The following RGS9 variants were observed in gnomAD, a reference collection of about 807,000 sequenced individuals.
The protein encoded by RGS9 is regulator of G-protein signalling 9.
Under a neutral mutation model 102.0 loss-of-function variants are expected in RGS9, and 78 were observed. The observed-to-expected ratio is 0.76, with a 90% CI of 0.64 to 0.92. RGS9 has a LOEUF of 0.92. Among genes scored for constraint, RGS9 ranks in the 40% least tolerant of loss-of-function variants. The pLI is 0.00. For missense variants in RGS9, 833 were observed against 866.1 expected (o/e 0.96, Z 0.48); for synonymous variants, 353 against 318.6 (o/e 1.11, Z -1.15).
At chr17:65,219,152 G>T (rs1377332007) in intron 17 of RGS9, among the ~76,000 whole-genome samples, 2 of 152,172 alleles carry the variant, frequency 1.3e-5, no homozygotes, top group Admixed American at 6.5e-5. Context: ...AGGGACTCAG[G>T]GCTGTGTGCA....
chr17:65,190,442 C>A (rs115515671), intron 11 of RGS9, among the ~76,000 whole-genome samples: 1,634 of 152,172 alleles, frequency 0.011, 34 homozygotes, highest in African/African-American at 0.037. Context: ...CAAAATCGAG[C>A]GTAGGTGAGG....
rs1407374319 is a variant in RGS9, at chr17:65,210,788, C to G, written c.1407+183C>G. The G allele has an allele frequency of 8.0e-6, 8 of 997,944 alleles. No individual in the cohort carries two copies. In the East Asian group the frequency reaches 2.1e-4, roughly 27 times the overall value. The allele number at this position is 997,944 out of a possible 1,614,324, so 61.8% of individuals were successfully genotyped here. On this transcript the variant is annotated intron_variant, in intron 17 of 18. Transcript: ENST00000262406. ...TCAGGTTCATCCCATACTCCTCTAACTTTCTTCATGGGGGACTTCCTAATA... is the reference window on the plus strand; with the variant it reads ...TCAGGTTCATCCCATACTCCTCTAAGTTTCTTCATGGGGGACTTCCTAATA...
chr17:65,151,051 A>G (rs1268077647), intron 1 of RGS9, among the ~76,000 whole-genome samples: 2 of 152,218 alleles, frequency 1.3e-5, no homozygotes, highest in African/African-American at 4.8e-5. Context: ...TTGTTTAAAA[A>G]AAAATCCTTC....
chr17:65,140,088 G>C (rs951704153), intron 1 of RGS9, among the ~76,000 whole-genome samples: 2 of 152,060 alleles, frequency 1.3e-5, no homozygotes, highest in African/African-American at 4.8e-5. Context: ...GGAGGTTATG[G>C]CCACCATTTT....
chr17:65,223,242 G>T (rs1905439478), intron 17 of RGS9, among the ~76,000 whole-genome samples: 1 of 152,362 alleles, frequency 6.6e-6, no homozygotes, highest in Non-Finnish European at 1.5e-5. Context: ...GTGAATTAAT[G>T]ATGTGATTGT....
chr17:65,150,750 T>C (rs16960623), intron 1 of RGS9, among the ~76,000 whole-genome samples: 10,008 of 152,298 alleles, frequency 0.066, 1,061 homozygotes, highest in African/African-American at 0.22. Flanking sequence ...CTAGAATATC[T>C]TTGCACTGGT....
chr17:65,227,404 G>A lies in RGS9; in HGVS notation c.2022G>A (p.Leu674=), dbSNP rs1905744674. 1 of 1,613,202 alleles carries A rather than the reference G, an allele frequency of 6.2e-7. No homozygotes were observed. Among genetic ancestry groups the A allele is most frequent in the African/African-American group, 1.3e-5 (1 of 74,918 alleles). ...EKEVICPWES[L] is the part of the protein sequence containing the mutation. ...AGGTCATCTGCCCCTGGGAGAGCCT[G>A]TAAGGAAAGAGGCAGGCTGAGCTGG... The change falls in exon 19 of 19, where the codon CTG becomes CTA. Residue 674 remains leucine, a synonymous_variant. Transcript: ENST00000262406.
At chr17:65,152,268 G>A (rs916053121) in intron 1 of RGS9, among the ~76,000 whole-genome samples, 2 of 152,210 alleles carry the variant, frequency 1.3e-5, no homozygotes, top group Non-Finnish European at 2.9e-5. Flanking sequence ...AGTGTCCTTG[G>A]TATGGCTGGG....
At chr17:65,198,260 T>C (rs1349555636) in intron 13 of RGS9, among the ~76,000 whole-genome samples, 1 of 85,902 alleles carries the variant, frequency 1.2e-5, no homozygotes, top group Non-Finnish European at 1.9e-5. Flanking sequence ...GAACTGTGAC[T>C]TTTTTTTTTT....
At chr17:65,160,171 C>T in intron 3 of RGS9, 62 bp from the exon 4 acceptor site, 5 of 1,303,206 alleles carry the variant, frequency 3.8e-6, no homozygotes, top group Non-Finnish European at 5.6e-6. Flanking sequence ...GCCGTGGGGG[C>T]CGGCAATGAG....
chr17:65,222,366 C>A (rs1190811312), intron 17 of RGS9, among the ~76,000 whole-genome samples: 1 of 152,182 alleles, frequency 6.6e-6, no homozygotes, highest in African/African-American at 2.4e-5. Flanking sequence ...GTCAGCTATG[C>A]CTCATCACAT....
chr17:65,204,937 T>C (rs1315417667), intron 15 of RGS9, among the ~76,000 whole-genome samples: 1 of 152,110 alleles, frequency 6.6e-6, no homozygotes, highest in Non-Finnish European at 1.5e-5. Context: ...GAGCTCTTAG[T>C]TTCTGCTGCA....
chr17:65,203,347 G>C (rs1912928756), intron 14 of RGS9, among the ~76,000 whole-genome samples: 1 of 152,042 alleles, frequency 6.6e-6, no homozygotes. Context: ...CAGTACAATG[G>C]GTGCCTGATT....
Position 65,197,329 on chromosome 17 carries a change from C to G in RGS9, c.976+88C>G. 4.5e-6 allele frequency: 4 copies of G among 892,564 alleles called. No individual in the cohort carries two copies. In the South Asian group the frequency reaches 5.7e-5, roughly 13 times the overall value. The allele number at this position is 892,564 out of a possible 1,614,324, so 55.3% of individuals were successfully genotyped here. On this transcript the variant is annotated intron_variant, in intron 13 of 18. Coordinates refer to ENST00000262406, the MANE Select transcript of RGS9 (RefSeq NM_003835.4). ...CTAGCCTAGGGTTTGGGGAATTTCT[C>G]AGCAGATGTTTTCAGAGCTTTGCTT... is the stretch of plus-strand genomic sequence containing the variant.
chr17:65,168,545 C>CTTT lies in RGS9; in HGVS notation c.582+284_582+286dup, dbSNP rs5821624. Reference sequence around the variant, plus strand: ...AATTTGTCTTTTACGAGGGCTGGGACTTTTTTTTTTTTTTTTTTTTTTGCT... The same window carrying CTTT: ...AATTTGTCTTTTACGAGGGCTGGGACTTTTTTTTTTTTTTTTTTTTTTTTTGCT... On this transcript the variant is annotated intron_variant, in intron 8 of 18. Coordinates refer to ENST00000262406, the MANE Select transcript of RGS9 (RefSeq NM_003835.4). Among the ~76,000 whole-genome samples, 205 of 85,250 alleles carry CTTT rather than the reference C, an allele frequency of 2.4e-3. 4 individuals are homozygous for CTTT. Among genetic ancestry groups the CTTT allele is most frequent in the African/African-American group, 6.4e-3 (141 of 21,984 alleles). 55.9% of individuals were successfully genotyped at this position (85,250 alleles called of 152,430 possible).
At chr17:65,224,928 G>A (rs752949766) in intron 17 of RGS9, 74 bp from the exon 18 acceptor site, 40 of 1,595,478 alleles carry the variant, frequency 2.5e-5, no homozygotes, top group Non-Finnish European at 3.3e-5. Context: ...TAAGTTAGCA[G>A]AGGACAGCCC....
At chr17:65,163,277 C>T (rs944737073) in intron 7 of RGS9, among the ~76,000 whole-genome samples, 188 bp downstream of exon 7, 2 of 151,144 alleles carry the variant, frequency 1.3e-5, no homozygotes, top group African/African-American at 4.9e-5. Flanking sequence ...TGGGTTCAAG[C>T]GATTCTCCTG....
chr17:65,157,600 C>G (rs1910814586), intron 2 of RGS9, among the ~76,000 whole-genome samples: 1 of 151,924 alleles, frequency 6.6e-6, no homozygotes, highest in Non-Finnish European at 1.5e-5. Context: ...TGTTCCCAAG[C>G]CAGCCCCTAA....
chr17:65,219,078 C>T (rs539184016), intron 17 of RGS9, among the ~76,000 whole-genome samples: 9 of 152,300 alleles, frequency 5.9e-5, no homozygotes, highest in Non-Finnish European at 4.4e-5. Context: ...CAGGGCAGTT[C>T]GTTGGTGATC....
Sources: allele counts gnomAD v4.1 joint callset (sites outside exome capture counted in the v4.1 genomes callset), GRCh38; gene constraint gnomAD v4.1.1; transcripts MANE v1.5; gene names NCBI Gene and HGNC (gene_info 2026-07-23, HGNC 2026-07-21).